The following COG7 variants were observed in gnomAD, a reference collection of about 807,000 sequenced individuals.
The protein encoded by COG7 is conserved oligomeric Golgi complex subunit 7.
COG7 carries 49 observed loss-of-function variants against 91.5 expected under a neutral mutation model. The ratio of observed to expected loss-of-function variants is 0.54; its 90% confidence interval spans 0.43 to 0.68. The LOEUF (loss-of-function observed/expected upper bound fraction) is 0.68, where lower values mean the gene tolerates loss of function less well. Ranked by LOEUF, COG7 falls within the 30% of genes least tolerant of loss-of-function variation. COG7 has a pLI of 0.00. For missense variants in COG7, 895 were observed against 961.3 expected, an observed-to-expected ratio of 0.93 and a Z score of 0.91; for synonymous variants, 365 against 388.7, an observed-to-expected ratio of 0.94 and a Z score of 0.72.
At chr16:23,427,889 AT>A (rs1963873270) in intron 6 of COG7, among the ~76,000 whole-genome samples, 1 of 152,146 alleles carries the variant, frequency 6.6e-6, no homozygotes, top group African/African-American at 2.4e-5. Flanking sequence ...TATTTTTAAA[AT>A]TCAAGGCCTA....
In COG7 at chr16:23,418,822, G is replaced by A; in HGVS notation, c.1015C>T (p.His339Tyr). 1 of 1,613,394 alleles carries A rather than the reference G, an allele frequency of 6.2e-7. No individual in the cohort carries two copies. Among genetic ancestry groups the A allele is most frequent in the Non-Finnish European group, 8.5e-7 (1 of 1,179,346 alleles). The change falls in exon 8 of 17, where the codon CAC becomes TAC. Residue 339 changes from histidine to tyrosine, a missense_variant. Physicochemically the swap from His to Tyr is moderately conservative, Grantham distance 83. Coordinates refer to ENST00000307149, the MANE Select transcript of COG7 (RefSeq NM_153603.4). ...AGCTCCGTGACTTTTACCAGATTGT[G>A]TTCATCTTTAGGGAATCAGAAATGT... is the stretch of plus-strand genomic sequence containing the variant. ...EMALLPHLHE[H>Y]NLVKVTELVD...
intron 1 of COG7, among the ~76,000 whole-genome samples, chr16:23,450,820 G>C (rs1223607466): frequency 1.3e-5 from 2 of 151,548 alleles, no homozygotes; most frequent in African/African-American, 4.8e-5. Flanking sequence ...GACAAAGTGA[G>C]ACCCTGTCTC....
chr16:23,392,710 A>G (rs1046274606), intron 15 of COG7, among the ~76,000 whole-genome samples, 187 bp from the exon 16 acceptor site: 2 of 152,086 alleles, frequency 1.3e-5, no homozygotes, highest in African/African-American at 4.8e-5. Flanking sequence ...CAGGCGGATC[A>G]TTTGAGGTCA....
chr16:23,436,131 A>G (rs1183391054), intron 4 of COG7, among the ~76,000 whole-genome samples: 3 of 152,168 alleles, frequency 2.0e-5, no homozygotes, highest in Non-Finnish European at 4.4e-5. Context: ...CTGAGCTGGG[A>G]GTATCACTTG....
intron 6 of COG7, among the ~76,000 whole-genome samples, chr16:23,427,452 C>A (rs1963866646): frequency 6.7e-6 from 1 of 149,046 alleles, no homozygotes; most frequent in Non-Finnish European, 1.5e-5. Flanking sequence ...CTAGCCTGGG[C>A]AACAGAGAGA....
chr16:23,444,936 A>T (rs969605461), intron 3 of COG7, 112 bp downstream of exon 3: 2 of 842,022 alleles, frequency 2.4e-6, no homozygotes, highest in Admixed American at 3.4e-5. Context: ...CCTGAGTCTG[A>T]AGGTTTCTGA....
intron 14 of COG7, among the ~76,000 whole-genome samples, chr16:23,396,850 C>A (rs1319766250): frequency 6.6e-6 from 1 of 152,146 alleles, no homozygotes; most frequent in East Asian, 1.9e-4. Context: ...AGAGAGCCAG[C>A]CACCTCACTG....
intron 10 of COG7, chr16:23,413,148 G>T: frequency 2.8e-6 from 1 of 353,824 alleles, no homozygotes; most frequent in Non-Finnish European, 5.4e-6. Context: ...AAAACTATAC[G>T]CTAAGGTGGG....
At chr16:23,398,738 C>T (rs544302614) in intron 13 of COG7, among the ~76,000 whole-genome samples, 19 of 152,324 alleles carry the variant, frequency 1.2e-4, no homozygotes, top group South Asian at 1.2e-3. Context: ...CTCATCAGAA[C>T]TCAGAGGGAT....
At chr16:23,409,798 G>A (rs1313774662) in intron 11 of COG7, among the ~76,000 whole-genome samples, 1 of 152,040 alleles carries the variant, frequency 6.6e-6, no homozygotes, top group African/African-American at 2.4e-5. Context: ...GCTTTTCCAG[G>A]GCAGACCCCA....
At chr16:23,397,873 G>A (rs1220577138) in intron 14 of COG7, among the ~76,000 whole-genome samples, 173 bp downstream of exon 14, 1 of 152,178 alleles carries the variant, frequency 6.6e-6, no homozygotes, top group Non-Finnish European at 1.5e-5. Flanking sequence ...TCGCCATGTG[G>A]CTCTGCTGAT....
At chr16:23,434,491 C>A (rs1963983300) in intron 5 of COG7, 145 bp downstream of exon 5, 1 of 703,658 alleles carries the variant, frequency 1.4e-6, no homozygotes, top group African/African-American at 1.8e-5. Context: ...ACCAAGAGCA[C>A]CCCCTACTGG....
intron 7 of COG7, among the ~76,000 whole-genome samples, chr16:23,423,144 T>C (rs1398570081): frequency 6.6e-6 from 1 of 151,482 alleles, no homozygotes; most frequent in Non-Finnish European, 1.5e-5. Flanking sequence ...GGCGGGTCGA[T>C]CACCTGAGGT....
intron 7 of COG7, among the ~76,000 whole-genome samples, chr16:23,424,339 C>T (rs1490016421): frequency 7.0e-6 from 1 of 143,564 alleles, no homozygotes; most frequent in Non-Finnish European, 1.5e-5. Context: ...CCTGTTTGTT[C>T]TCTAAAACTG....
rs904010571 is a variant in COG7 at position 23,439,304 on chromosome 16, CAAAAAAAAAA to C, written c.604+3163_604+3172del. ...GGGCAACAGAGTTAAACTGTGTCTC[CAAAAAAAAAA>C]AAAAAAAAAAAAAGATAAGCATATG... On this transcript the variant is annotated intron_variant, in intron 4 of 16. Coordinates refer to ENST00000307149, the MANE Select transcript of COG7 (RefSeq NM_153603.4). Among the ~76,000 whole-genome samples the C allele has an allele frequency of 1.5e-4, 6 of 38,834 alleles. No individual in the cohort carries two copies. In the East Asian group the frequency reaches 3.6e-3, roughly 23 times the overall value. 25.5% of individuals were successfully genotyped at this position (38,834 alleles called of 152,430 possible).
chr16:23,417,545 T>C (rs879434312), intron 8 of COG7, among the ~76,000 whole-genome samples: 1 of 152,140 alleles, frequency 6.6e-6, no homozygotes, highest in African/African-American at 2.4e-5. Context: ...CGTGGGCAGA[T>C]TGCTCCAGCC....
chr16:23,398,135 G>C lies in COG7; in HGVS notation c.1804-6C>G. ...ATGCCAGCCGTATTCCAGCTCTAAG[G>C]GTGGAACGAGAGGACACAATCAGTA... On this transcript the variant is annotated splice_region_variant and splice_polypyrimidine_tract_variant and intron_variant, in intron 13 of 16. Coordinates refer to ENST00000307149, the MANE Select transcript of COG7 (RefSeq NM_153603.4). 2 of 1,613,484 alleles carry C rather than the reference G, an allele frequency of 1.2e-6. No individual in the cohort carries two copies. The highest frequency in any genetic ancestry group is 1.7e-6 in the Non-Finnish European group (2 of 1,179,480).
chr16:23,418,718 C>G lies in COG7; in HGVS notation c.1119G>C (p.Gln373His), dbSNP rs746091664. ...GDMEESNLLI[Q>H]MSAVPLEHGE... ...ACTTTACCAGAGGCACAGCACTCAT[C>G]TGGATGAGGAGGTTGCTCTCTTCCA... Residue 373 changes from glutamine to histidine, a missense_variant, in exon 8 of 17, where the codon CAG (glutamine) becomes CAC (histidine). Transcript: ENST00000307149. 8.1e-6 allele frequency: 13 copies of G among 1,613,842 alleles called. No individual in the cohort carries two copies. The South Asian group carries it at 1.3e-4, about 16-fold the overall frequency.
chr16:23,401,276 G>C (rs1264461965), intron 13 of COG7, among the ~76,000 whole-genome samples: 2 of 152,184 alleles, frequency 1.3e-5, no homozygotes. Flanking sequence ...CCTTGGTATT[G>C]TGTGCTGGCA....
Sources: allele counts gnomAD v4.1 joint callset (sites outside exome capture counted in the v4.1 genomes callset), GRCh38; gene constraint gnomAD v4.1.1; transcripts MANE v1.5; gene names NCBI Gene and HGNC (gene_info 2026-07-23, HGNC 2026-07-21).